Variants in USO1 observed in about 807,000 individuals in gnomAD.
The protein encoded by USO1 is USO1 vesicle transport factor.
A neutral mutation model predicts 124.5 loss-of-function variants in USO1; 57 were observed. The ratio of observed to expected loss-of-function variants is 0.46; its 90% confidence interval spans 0.37 to 0.57. USO1 has a LOEUF of 0.57. Among genes scored for constraint, USO1 ranks in the 20% least tolerant of loss-of-function variants. USO1 has a pLI of 0.00. For missense variants in USO1, 900 were observed against 1,040.6 expected (o/e 0.86, Z 1.86); for synonymous variants, 369 against 362.8 (o/e 1.02, Z -0.19).
chr4:75,740,142 T>A (rs1432944973), intron 1 of USO1, among the ~76,000 whole-genome samples: 1 of 152,162 alleles, frequency 6.6e-6, no homozygotes, highest in African/African-American at 2.4e-5. Flanking sequence ...AAGATCAGCC[T>A]GGGCAACATA....
chr4:75,751,832 C>CA (rs1202240365), intron 1 of USO1, among the ~76,000 whole-genome samples: 40 of 143,710 alleles, frequency 2.8e-4, no homozygotes, highest in Admixed American at 9.1e-4. Context: ...GACTTCGTCT[C>CA]AAAAAAAAAA....
At chr4:75,793,204 CCTTT>C (rs1722580234) in intron 12 of USO1, among the ~76,000 whole-genome samples, 1 of 124,472 alleles carries the variant, frequency 8.0e-6, no homozygotes, top group Admixed American at 1.0e-4. Context: ...TTCTCTCTCT[CCTTT>C]TTTTTTTTTT....
Position 75,724,684 on chromosome 4 carries a change from G to C in USO1, c.-136G>C. On this transcript the variant is annotated 5_prime_UTR_variant, in exon 1 of 24. Transcript: ENST00000514213. The stretch of plus-strand genomic sequence containing the variant: ...CCGGGCTTAGAGGGCTGGAGTGGCC[G>C]CCGAGTTGGAGGCGGTGGTGGCAGC... 1.2e-6 allele frequency: 1 copy of C among 847,610 alleles called. No homozygotes were observed. Among genetic ancestry groups the C allele is most frequent in the East Asian group, 3.0e-5 (1 of 33,896 alleles). 52.5% of individuals were successfully genotyped at this position (847,610 alleles called of 1,614,324 possible).
At chr4:75,779,203 T>C (rs1325459234) in intron 8 of USO1, among the ~76,000 whole-genome samples, 3 of 152,108 alleles carry the variant, frequency 2.0e-5, no homozygotes, top group Non-Finnish European at 4.4e-5. Context: ...TGTCTTCCCC[T>C]CTTCCCCTCC....
intron 1 of USO1, chr4:75,745,444 C>T (rs1721097082): frequency 2.1e-6 from 1 of 479,436 alleles, no homozygotes; most frequent in African/African-American, 2.0e-5. Context: ...TAGTTCGCAA[C>T]AGATACTCTG....
chr4:75,759,587 C>T (rs1721542539), intron 4 of USO1, among the ~76,000 whole-genome samples: 2 of 143,402 alleles, frequency 1.4e-5, no homozygotes, highest in Admixed American at 7.2e-5. Context: ...GAGTGAGACT[C>T]TGTCTCAAAA....
intron 1 of USO1, among the ~76,000 whole-genome samples, chr4:75,734,117 TG>T (rs1720719925): frequency 6.6e-6 from 1 of 152,010 alleles, no homozygotes; most frequent in African/African-American, 2.4e-5. Context: ...AGATAATTTT[TG>T]TATTTTTAGT....
At chr4:75,798,949 C>CT (rs1722765755) in intron 13 of USO1, among the ~76,000 whole-genome samples, 1 of 152,054 alleles carries the variant, frequency 6.6e-6, no homozygotes, top group Non-Finnish European at 1.5e-5. Context: ...ATTTTGAAAA[C>CT]TAATTTTGCT....
chr4:75,785,968 T>C (rs1394787761), intron 9 of USO1, among the ~76,000 whole-genome samples: 1 of 152,134 alleles, frequency 6.6e-6, no homozygotes, highest in Admixed American at 6.5e-5. Flanking sequence ...ACCTTCTCTT[T>C]AGTGACATCA....
intron 3 of USO1, among the ~76,000 whole-genome samples, chr4:75,754,835 G>A (rs1371647214): frequency 1.3e-5 from 2 of 152,224 alleles, no homozygotes; most frequent in East Asian, 1.9e-4. Flanking sequence ...ATCTTTGGCC[G>A]TGTAACAAAT....
intron 4 of USO1, among the ~76,000 whole-genome samples, chr4:75,764,049 T>C (rs1721696952): frequency 6.6e-6 from 1 of 152,216 alleles, no homozygotes; most frequent in African/African-American, 2.4e-5. Flanking sequence ...CTTTTTCAAA[T>C]TGACAGTGTT....
chr4:75,808,122 A>G (rs907010910), intron 20 of USO1, among the ~76,000 whole-genome samples: 4 of 152,186 alleles, frequency 2.6e-5, no homozygotes, highest in Non-Finnish European at 5.9e-5. Context: ...ATGGGGGGAT[A>G]TGGGGAGAAA....
chr4:75,805,235 G>A lies in USO1; in HGVS notation c.2221G>A (p.Glu741Lys), dbSNP rs1048227468. The A allele has an allele frequency of 6.2e-7, 1 of 1,612,664 alleles. No homozygotes were observed. Among genetic ancestry groups the A allele is most frequent in the South Asian group, 1.1e-5 (1 of 90,848 alleles). ...TGGTAGATTGCGAGAAGAGATAGAA[G>A]AATTAAAACGTAATCAGGAACTTTT... ...EIGRLREEIE[E>K]LKRNQELLQS... The change falls in exon 19 of 24, where the codon GAA (glutamate) becomes AAA (lysine). Residue 741 changes from glutamate to lysine, a missense_variant. Glu to Lys is a moderately conservative substitution (Grantham distance 56, BLOSUM62 1). Around this residue, in one of 2 missense-constraint regions of USO1, gnomAD observed 362 missense variants for 359.0 expected, o/e 1.01. Transcript: ENST00000514213.
intron 1 of USO1, among the ~76,000 whole-genome samples, chr4:75,727,102 T>G (rs1054175277): frequency 2.6e-5 from 4 of 152,218 alleles, no homozygotes; most frequent in African/African-American, 9.7e-5. Flanking sequence ...TTTGTTATTA[T>G]TGGCCTTGTC....
At chr4:75,745,236 T>C (rs1721089982) in intron 1 of USO1, 1 of 437,322 alleles carries the variant, frequency 2.3e-6, no homozygotes, top group Admixed American at 3.1e-5. Flanking sequence ...AGTACTGATA[T>C]TTTTCAGTTA....
chr4:75,789,202 T>A (rs1183283479), intron 10 of USO1, among the ~76,000 whole-genome samples: 1 of 152,216 alleles, frequency 6.6e-6, no homozygotes, highest in African/African-American at 2.4e-5. Flanking sequence ...CTGAGCACTT[T>A]CAGCTGGAAA....
chr4:75,812,285 A>G lies in USO1; in HGVS notation c.2709A>G (p.Lys903=). 1 of 1,607,868 alleles carries G rather than the reference A, an allele frequency of 6.2e-7. No individual in the cohort carries two copies. Among genetic ancestry groups the G allele is most frequent in the Non-Finnish European group, 8.5e-7 (1 of 1,176,942 alleles). ...TAGAGTTGGAAATTACAGATTCTAA[A>G]AAAGAACAAGATGATCTCTTGGTGC... ...DKLELEITDS[K]KEQDDLLVLL... is the part of the protein sequence containing the mutation. Residue 903 remains lysine (K), a synonymous_variant, in exon 23 of 24, where the codon AAA becomes AAG. Coordinates refer to ENST00000514213, the MANE Select transcript of USO1 (RefSeq NM_003715.4).
At chr4:75,775,959 A>G (rs575173934) in intron 8 of USO1, among the ~76,000 whole-genome samples, 1 of 152,318 alleles carries the variant, frequency 6.6e-6, no homozygotes, top group East Asian at 1.9e-4. Flanking sequence ...AAGATGAGGC[A>G]AAAAAACTGA....
rs148685084 is a variant in USO1, at chr4:75,811,217, A to T, written c.2583+678A>T. ...TCCAGGCTGGATGGAGTGCAGTGGCATGATCTCAGCTCACTGCAGCCTCCA... is the reference window on the plus strand; with the variant it reads ...TCCAGGCTGGATGGAGTGCAGTGGCTTGATCTCAGCTCACTGCAGCCTCCA... On this transcript the variant is annotated intron_variant, in intron 22 of 23. Coordinates refer to ENST00000514213, the MANE Select transcript of USO1 (RefSeq NM_003715.4). Among the ~76,000 whole-genome samples, 865 of 151,154 alleles carry T rather than the reference A, an allele frequency of 5.7e-3. 16 individuals are homozygous for T. The highest frequency in any genetic ancestry group is 0.02 in the African/African-American group (809 of 41,140).
Sources: allele counts gnomAD v4.1 joint callset (sites outside exome capture counted in the v4.1 genomes callset), GRCh38; gene constraint gnomAD v4.1.1; regional missense constraint gnomAD v4.1.1; transcripts MANE v1.5; gene names NCBI Gene and HGNC (gene_info 2026-07-23, HGNC 2026-07-21).